PALM: variants seen among roughly 807,000 people sequenced by gnomAD.
The protein encoded by PALM is paralemmin.
PALM carries 18 observed loss-of-function variants against 30.7 expected under a neutral mutation model. The observed-to-expected ratio is 0.59, with a 90% CI of 0.41 to 0.87. The LOEUF is 0.87. PALM is among the 40% of genes least tolerant of loss of function. PALM has a pLI of 0.00. For synonymous variants in PALM, 286 were observed against 242.8 expected (o/e 1.18, Z -1.66); for missense variants, 529 against 555.4 (o/e 0.95, Z 0.48).
At chr19:718,142 A>G (rs564286654) in intron 1 of PALM, among the ~76,000 whole-genome samples, 24 of 152,314 alleles carry the variant, frequency 1.6e-4, no homozygotes, top group African/African-American at 5.8e-4. Flanking sequence ...AGATCGCGCC[A>G]CCGCACTCCA....
In PALM at chr19:709,203, C is replaced by CGGGGAG. The variant is rs2031986294; in HGVS notation, c.5+57_5+62dup. On this transcript the variant is annotated intron_variant, in intron 1 of 8. Coordinates refer to ENST00000338448, the MANE Select transcript of PALM (RefSeq NM_002579.3). This position sits in a 1 kb window ranked among gnomAD's most constrained non-coding sequence, Gnocchi z 4.3. The stretch of plus-strand genomic sequence containing the variant: ...GCTGGGGGCCCGGAGCTCCGGGAGC[C>CGGGGAG]GGGGAGGGGGGAGGCCCCCTCTCTC... 3.2e-5 allele frequency: 10 copies of CGGGGAG among 311,968 alleles called. No individual in the cohort carries two copies. In the South Asian group the frequency reaches 1.4e-3, roughly 44 times the overall value. The allele number at this position is 311,968 out of a possible 1,614,324, so 19.3% of individuals were successfully genotyped here.
intron 8 of PALM, among the ~76,000 whole-genome samples, chr19:743,216 G>A (rs1056225122): frequency 3.3e-5 from 5 of 152,142 alleles, no homozygotes; most frequent in East Asian, 1.9e-4. Context: ...GGGGTGTGGC[G>A]TTGGTGGCAT....
intron 7 of PALM, among the ~76,000 whole-genome samples, chr19:740,014 G>A (rs573330316): frequency 6.6e-6 from 1 of 152,290 alleles, no homozygotes; most frequent in Non-Finnish European, 1.5e-5. Flanking sequence ...CAGATGGGCT[G>A]GGCTGGAACC....
At chr19:727,231 T>G in intron 3 of PALM, 143 bp downstream of exon 3, 1 of 593,078 alleles carries the variant, frequency 1.7e-6, no homozygotes, top group Non-Finnish European at 2.9e-6. Flanking sequence ...ACCCCGACCC[T>G]GACCCCGACC....
At chr19:713,178 G>A (rs984990081) in intron 1 of PALM, among the ~76,000 whole-genome samples, 19 of 151,950 alleles carry the variant, frequency 1.3e-4, no homozygotes, top group African/African-American at 1.9e-4. Flanking sequence ...CTTGTGGGGC[G>A]TGGTGGTCTG....
chr19:725,939 C>T (rs3787017), intron 1 of PALM, among the ~76,000 whole-genome samples, 199 bp from the exon 2 acceptor site: 75,487 of 152,054 alleles, frequency 0.5, 18,903 homozygotes, highest in South Asian at 0.58. Flanking sequence ...GGCAGAGCCT[C>T]GTCCCCTCCT....
intron 1 of PALM, among the ~76,000 whole-genome samples, chr19:710,137 C>T (rs1294708689): frequency 6.6e-6 from 1 of 152,106 alleles, no homozygotes; most frequent in Non-Finnish European, 1.5e-5. Context: ...GCCCGAGGAC[C>T]GAAGACCGGA....
At chr19:714,870 G>A (rs919169570) in intron 1 of PALM, among the ~76,000 whole-genome samples, 15 of 151,912 alleles carry the variant, frequency 9.9e-5, no homozygotes, top group South Asian at 4.2e-4. Flanking sequence ...TGCCCAGGCC[G>A]GTCTCAAACT....
At position 734,172 on chromosome 19, in the gene PALM, G is replaced by C; in HGVS notation, c.421-1G>C. 1 of 1,613,970 alleles carries C rather than the reference G, an allele frequency of 6.2e-7. No homozygotes were observed. Among genetic ancestry groups the C allele is most frequent in the Non-Finnish European group, 8.5e-7 (1 of 1,179,956 alleles). On this transcript the variant is annotated splice_acceptor_variant, in intron 5 of 8. Coordinates refer to ENST00000338448, the MANE Select transcript of PALM (RefSeq NM_002579.3). LOFTEE classifies it high-confidence loss of function. The stretch of plus-strand genomic sequence containing the variant: ...TGACCCTTCTCTCTTCTTTCTTGCA[G>C]ACGCCGGTGGGCACGCCCAAAGGTA...
chr19:731,807 C>G (rs769832670), intron 5 of PALM, among the ~76,000 whole-genome samples: 41 of 151,024 alleles, frequency 2.7e-4, no homozygotes, highest in Non-Finnish European at 5.2e-4. Flanking sequence ...CTACAGGCGC[C>G]TGCCACCATA....
At chr19:715,635 C>T (rs1287387599) in intron 1 of PALM, among the ~76,000 whole-genome samples, 1 of 152,116 alleles carries the variant, frequency 6.6e-6, no homozygotes, top group Non-Finnish European at 1.5e-5. Context: ...CCTTGAGTGC[C>T]AGGATGGGGA....
chr19:716,297 C>T lies in PALM; in HGVS notation c.5+7146C>T, dbSNP rs906878789. On this transcript the variant is annotated intron_variant, in intron 1 of 8. Coordinates refer to ENST00000338448, the MANE Select transcript of PALM (RefSeq NM_002579.3). ...GCATGGTGGCAGGTGCCTGTAATCC[C>T]AGCTACTCGGGAGGCTGAGGCAGGA... 9.2e-5 allele frequency among the ~76,000 whole-genome samples: 14 copies of T among 152,238 alleles called. No individual in the cohort carries two copies. The East Asian group carries it at 2.7e-3, about 29-fold the overall frequency.
At position 746,839 on chromosome 19, in the gene PALM, C is replaced by CA. The variant is rs1336875436; in HGVS notation, c.*26dup. ...AGCCGGCCCCCGAGACCCCGGCCCCCACCCCACACCACAGACACCCACCAG... is the reference window on the plus strand; with the variant it reads ...AGCCGGCCCCCGAGACCCCGGCCCCCAACCCCACACCACAGACACCCACCAG... On this transcript the variant is annotated 3_prime_UTR_variant, in exon 9 of 9. Transcript: ENST00000338448. This position sits in a 1 kb window ranked among gnomAD's most constrained non-coding sequence, Gnocchi z 7.1. 1 of 1,385,074 alleles carries CA rather than the reference C, an allele frequency of 7.2e-7. No homozygotes were observed. Among genetic ancestry groups the CA allele is most frequent in the Non-Finnish European group, 9.7e-7 (1 of 1,029,996 alleles). 85.8% of individuals were successfully genotyped at this position (1,385,074 alleles called of 1,614,324 possible).
intron 1 of PALM, among the ~76,000 whole-genome samples, chr19:723,353 T>C (rs2032556279): frequency 6.6e-6 from 1 of 151,942 alleles, no homozygotes; most frequent in African/African-American, 2.4e-5. Context: ...GATAAGATGT[T>C]GGGGGTCGGG....
At chr19:723,430 CT>C (rs988220928) in intron 1 of PALM, among the ~76,000 whole-genome samples, 1 of 152,120 alleles carries the variant, frequency 6.6e-6, no homozygotes, top group African/African-American at 2.4e-5. Context: ...GGGCCTCCCC[CT>C]GTTGATGCCG....
chr19:731,161 G>T lies in PALM; in HGVS notation c.336G>T (p.Ala112=). Residue 112 remains alanine, a synonymous_variant, in exon 5 of 9, where the codon GCG becomes GCT. Transcript: ENST00000338448. ...DSAPATAKEN[A]AAPSPVRAPA... ...CCCCAGCCACTGCCAAGGAGAACGC[G>T]GCGGCCCCGAGCCCAGTCCGGGCCC... 6.2e-7 allele frequency: 1 copy of T among 1,609,090 alleles called. No individual in the cohort carries two copies. The highest frequency in any genetic ancestry group is 8.5e-7 in the Non-Finnish European group (1 of 1,178,176).
At chr19:710,651 G>GCCCTCC (rs2032045401) in intron 1 of PALM, among the ~76,000 whole-genome samples, 1 of 114,168 alleles carries the variant, frequency 8.8e-6, no homozygotes, top group Non-Finnish European at 1.8e-5. Flanking sequence ...AGGAGCTGCT[G>GCCCTCC]CCCCCCCCCC....
At chr19:745,754 G>T (rs1045944218) in intron 8 of PALM, among the ~76,000 whole-genome samples, 1 of 150,088 alleles carries the variant, frequency 6.7e-6, no homozygotes, top group Non-Finnish European at 1.5e-5. Context: ...ATGTTTTTGT[G>T]CTTATAAATT....
intron 3 of PALM, 57 bp from the exon 4 acceptor site, chr19:727,507 G>A (rs2032724263): frequency 4.9e-6 from 7 of 1,420,750 alleles, no homozygotes; most frequent in African/African-American, 1.4e-5. Flanking sequence ...TCAGTCTTAA[G>A]TCTTAACCCT....
Sources: allele counts gnomAD v4.1 joint callset (sites outside exome capture counted in the v4.1 genomes callset), GRCh38; gene constraint gnomAD v4.1.1; non-coding constraint Gnocchi (gnomAD v3.1); transcripts MANE v1.5; gene names NCBI Gene and HGNC (gene_info 2026-07-23, HGNC 2026-07-21).